The following EXT1 variants were observed in gnomAD, a reference collection of about 807,000 sequenced individuals.
The protein encoded by EXT1 is exostosin glycosyltransferase 1.
A neutral mutation model predicts 82.5 loss-of-function variants in EXT1; 20 were observed. The observed-to-expected ratio is 0.24, with a 90% CI of 0.17 to 0.35. The LOEUF (loss-of-function observed/expected upper bound fraction) is 0.35. Ranked by LOEUF, EXT1 falls within the 10% of genes least tolerant of loss-of-function variation. The pLI is 1.00. For missense variants in EXT1, 757 were observed against 936.5 expected, an observed-to-expected ratio of 0.81 and a Z score of 2.50; for synonymous variants, 348 against 350.8, an observed-to-expected ratio of 0.99 and a Z score of 0.09.
Position 118,110,134 on chromosome 8 carries a change from G to T in EXT1, c.913C>A (p.Gln305Lys). Residue 305 changes from glutamine to lysine, a missense_variant, in exon 1 of 11, where the codon CAA (glutamine) becomes AAA (lysine). By Grantham distance (53) the Gln-to-Lys change is moderately conservative. Around this residue, in one of 4 missense-constraint regions of EXT1, gnomAD observed 247 missense variants for 330.1 expected, o/e 0.75. Transcript: ENST00000378204. ...LTTCKHGKDW[Q>K]KHKDSRCDRD... The stretch of plus-strand genomic sequence containing the variant: ...TCACAGCGAGAATCCTTGTGCTTTT[G>T]CCAGTCTTTGCCATGCTTGCAGGTG... 1 of 1,614,186 alleles carries T rather than the reference G, an allele frequency of 6.2e-7. No individual in the cohort carries two copies. The highest frequency in any genetic ancestry group is 8.5e-7 in the Non-Finnish European group (1 of 1,180,036).
At chr8:117,861,306 T>C (rs1812679814) in intron 1 of EXT1, among the ~76,000 whole-genome samples, 1 of 152,206 alleles carries the variant, frequency 6.6e-6, no homozygotes, top group Admixed American at 6.5e-5. Context: ...AGCTAAGATA[T>C]AAAACATTTA....
At chr8:118,056,418 T>G (rs369781207) in intron 1 of EXT1, among the ~76,000 whole-genome samples, 1 of 152,072 alleles carries the variant, frequency 6.6e-6, no homozygotes, top group South Asian at 2.1e-4. Context: ...GAGAAGGAAA[T>G]GAATGGACTC....
At chr8:117,809,602 C>G (rs1354511678) in intron 8 of EXT1, among the ~76,000 whole-genome samples, 1 of 151,278 alleles carries the variant, frequency 6.6e-6, no homozygotes, top group East Asian at 2.0e-4. Flanking sequence ...GTGCCACTGC[C>G]CCCTATCGTG....
chr8:118,066,698 T>G (rs1047415176), intron 1 of EXT1, among the ~76,000 whole-genome samples: 5 of 152,072 alleles, frequency 3.3e-5, no homozygotes, highest in African/African-American at 4.8e-5. Flanking sequence ...ATATAATATA[T>G]AGAACAAACA....
chr8:118,080,240 C>T (rs1224126014), intron 1 of EXT1, among the ~76,000 whole-genome samples: 4 of 152,124 alleles, frequency 2.6e-5, no homozygotes, highest in African/African-American at 9.7e-5. Flanking sequence ...TGTGACTTGC[C>T]TTTTATCATC....
intron 1 of EXT1, among the ~76,000 whole-genome samples, chr8:118,064,153 C>T (rs996129598): frequency 6.6e-5 from 10 of 152,148 alleles, no homozygotes; most frequent in Non-Finnish European, 1.5e-4. Context: ...CGTGAGCCAC[C>T]GCGTCAAGTC....
At chr8:117,867,278 G>C (rs1342621746) in intron 1 of EXT1, among the ~76,000 whole-genome samples, 1 of 77,932 alleles carries the variant, frequency 1.3e-5, no homozygotes, top group Non-Finnish European at 2.9e-5. Context: ...AAAAAAGCTT[G>C]AGGAAATTTA....
intron 1 of EXT1, among the ~76,000 whole-genome samples, chr8:117,936,894 A>G (rs1335843974): frequency 6.6e-6 from 1 of 151,872 alleles, no homozygotes; most frequent in Non-Finnish European, 1.5e-5. Context: ...ATAAATAAAC[A>G]AACAAACAAA....
intron 1 of EXT1, among the ~76,000 whole-genome samples, chr8:118,077,170 G>A (rs971720915): frequency 6.6e-6 from 1 of 152,202 alleles, no homozygotes; most frequent in Non-Finnish European, 1.5e-5. Context: ...TGCTAGGAAT[G>A]CCAAGAGCTC....
chr8:117,847,782 T>C lies in EXT1; in HGVS notation c.963-10581A>G, dbSNP rs180955602. Among the ~76,000 whole-genome samples the C allele has an allele frequency of 1.1e-4, 17 of 152,348 alleles. 1 individual carries two copies. In the East Asian group the frequency reaches 2.1e-3, roughly 19 times the overall value. ...AGGAGGATGTTTGGCATTCCTACTG[T>C]TCTCACCCCCAGGGCAGGCACTGTG... On this transcript the variant is annotated intron_variant, in intron 1 of 10. Transcript: ENST00000378204.
At chr8:117,898,252 C>T (rs1813379458) in intron 1 of EXT1, among the ~76,000 whole-genome samples, 2 of 152,178 alleles carry the variant, frequency 1.3e-5, no homozygotes, top group Admixed American at 1.3e-4. Flanking sequence ...CTGGGGTCTC[C>T]ACCCTTATTT....
chr8:117,905,752 C>A (rs914250895), intron 1 of EXT1, among the ~76,000 whole-genome samples: 1 of 152,212 alleles, frequency 6.6e-6, no homozygotes, highest in Non-Finnish European at 1.5e-5. Flanking sequence ...GCGGAGCTTG[C>A]AGTGAGCCGA....
intron 1 of EXT1, among the ~76,000 whole-genome samples, chr8:118,109,251 A>T (rs528956797): frequency 6.6e-6 from 1 of 152,232 alleles, no homozygotes; most frequent in African/African-American, 2.4e-5. Context: ...TCTCACACCC[A>T]TTCAAAGAGT....
At chr8:117,923,894 A>G (rs1461902882) in intron 1 of EXT1, among the ~76,000 whole-genome samples, 2 of 152,184 alleles carry the variant, frequency 1.3e-5, no homozygotes, top group African/African-American at 4.8e-5. Context: ...GAGTTCACCA[A>G]TCAATTAGTG....
intron 1 of EXT1, among the ~76,000 whole-genome samples, chr8:118,075,026 A>G (rs118002282): frequency 6.6e-6 from 1 of 152,316 alleles, no homozygotes; most frequent in East Asian, 1.9e-4. Context: ...CTAGTCAACA[A>G]GCGGGTTTTC....
intron 1 of EXT1, among the ~76,000 whole-genome samples, chr8:118,056,755 G>T (rs905399150): frequency 3.9e-5 from 6 of 152,174 alleles, no homozygotes; most frequent in African/African-American, 1.4e-4. Context: ...ATTATCAGAA[G>T]AACGCTTTGA....
At chr8:117,843,296 C>G (rs892510998) in intron 1 of EXT1, among the ~76,000 whole-genome samples, 1 of 152,140 alleles carries the variant, frequency 6.6e-6, no homozygotes, top group Non-Finnish European at 1.5e-5. Flanking sequence ...GAATAAACAA[C>G]ATGTGTTATC....
chr8:117,941,539 T>C (rs916257600), intron 1 of EXT1, among the ~76,000 whole-genome samples: 1 of 152,086 alleles, frequency 6.6e-6, no homozygotes, highest in Non-Finnish European at 1.5e-5. Context: ...CTTTGCAAAG[T>C]AGTCAGGAAG....
chr8:117,871,884 G>A (rs1812879528), intron 1 of EXT1, among the ~76,000 whole-genome samples: 2 of 152,148 alleles, frequency 1.3e-5, no homozygotes, highest in African/African-American at 4.8e-5. Context: ...TAGCACCGTG[G>A]GAGGCTGAGG....
Sources: gnomAD v4.1 joint callset for allele counts (sites outside exome capture counted in the v4.1 genomes callset) on GRCh38, gnomAD v4.1.1 for gene constraint, gnomAD v4.1.1 regional missense constraint, MANE v1.5 for transcripts, NCBI Gene and HGNC (gene_info 2026-07-23, HGNC 2026-07-21) for gene names.